Variants in ABCB10 observed in about 807,000 individuals in gnomAD.
The protein encoded by ABCB10 is ATP binding cassette subfamily B member 10, also known as ATP-binding cassette sub-family B member 10, mitochondrial.
ABCB10 carries 54 observed loss-of-function variants against 65.4 expected under a neutral mutation model. The observed-to-expected ratio is 0.83, with a 90% CI of 0.66 to 1.04. The LOEUF is 1.04. ABCB10 is among the 50% of genes least tolerant of loss of function. ABCB10 has a pLI of 0.00. For missense variants in ABCB10, 846 were observed against 976.6 expected (o/e 0.87, Z 1.78); for synonymous variants, 418 against 406.5 (o/e 1.03, Z -0.34).
In ABCB10 at chr1:229,544,732, A is replaced by T. The variant is rs558468369; in HGVS notation, c.922-2361T>A. On this transcript the variant is annotated intron_variant, in intron 3 of 12. Coordinates refer to ENST00000344517, the MANE Select transcript of ABCB10 (RefSeq NM_012089.3). ...GGCTGTATTTGGAGATGGGGCCTCT[A>T]AGAAAGTAACTAAGGTTAAATGAGG... Among the ~76,000 whole-genome samples the T allele has an allele frequency of 4.6e-5, 7 of 152,320 alleles. No homozygotes were observed. The East Asian group carries it at 1.3e-3, about 29-fold the overall frequency.
intron 1 of ABCB10, among the ~76,000 whole-genome samples, chr1:229,550,749 A>T (rs1293822704): frequency 2.0e-5 from 3 of 151,154 alleles, no homozygotes; most frequent in African/African-American, 4.9e-5. Flanking sequence ...CTGTAGTCCT[A>T]GCTACTTGGG....
At chr1:229,524,669 C>T (rs993120883) in intron 10 of ABCB10, among the ~76,000 whole-genome samples, 3 of 152,188 alleles carry the variant, frequency 2.0e-5, no homozygotes, top group African/African-American at 2.4e-5. Context: ...CACAGGGAAT[C>T]GCTCACTTTG....
intron 3 of ABCB10, among the ~76,000 whole-genome samples, chr1:229,545,335 T>C (rs538249106): frequency 1.3e-5 from 2 of 152,306 alleles, no homozygotes; most frequent in South Asian, 2.1e-4. Context: ...TCAGATCTAA[T>C]AGGCAACACA....
At chr1:229,548,721 G>A (rs577867031) in intron 2 of ABCB10, among the ~76,000 whole-genome samples, 3 of 149,794 alleles carry the variant, frequency 2.0e-5, no homozygotes, top group South Asian at 2.1e-4. Flanking sequence ...GGAGTGCAGT[G>A]GTATGATCTG....
At position 229,558,314 on chromosome 1, in the gene ABCB10, G is replaced by C; in HGVS notation, c.339C>G (p.Leu113=). ...GAFAGPGAPR[L]PRARFPGGPA... is the part of the protein sequence containing the mutation. ...GACCGCCCGGGAACCGGGCGCGCGG[G>C]AGCCGAGGAGCGCCTGGCCCGGCAA... The change falls in exon 1 of 13, where the codon CTC becomes CTG. Residue 113 remains leucine, a synonymous_variant. Coordinates refer to ENST00000344517, the MANE Select transcript of ABCB10 (RefSeq NM_012089.3). The C allele has an allele frequency of 8.0e-7, 1 of 1,242,908 alleles. No homozygotes were observed. The highest frequency in any genetic ancestry group is 1.0e-6 in the Non-Finnish European group (1 of 987,948). 77.0% of individuals were successfully genotyped at this position (1,242,908 alleles called of 1,614,324 possible).
intron 1 of ABCB10, among the ~76,000 whole-genome samples, chr1:229,550,244 G>T (rs577606370): frequency 1.3e-5 from 2 of 152,220 alleles, no homozygotes; most frequent in South Asian, 4.2e-4. Context: ...AGAAAATATT[G>T]GCTTGGCACA....
chr1:229,518,398 G>A lies in ABCB10; in HGVS notation c.1998C>T (p.Ala666=), dbSNP rs773072766. The change falls in exon 13 of 13, where the codon GCC becomes GCT. Residue 666 remains alanine (A), a synonymous_variant. Transcript: ENST00000344517. ...CTTCTTGAACAAGGTACTCATTTTC[G>A]GCATCCAGCGCACTGACACAGGAGC... ...LLDEATSALD[A]ENEYLVQEAL... 7 of 1,613,878 alleles carry A rather than the reference G, an allele frequency of 4.3e-6. No individual in the cohort carries two copies. In the African/African-American group the frequency reaches 5.3e-5, roughly 12 times the overall value.
chr1:229,558,495 C>T lies in ABCB10; in HGVS notation c.158G>A (p.Gly53Asp). Residue 53 changes from glycine to aspartate, a missense_variant, in exon 1 of 13, where the codon GGC (glycine) becomes GAC (aspartate). By Grantham distance (94) the Gly-to-Asp change is moderately conservative. This residue lies in a region of ABCB10 where 214 missense variants were observed against 173.5 expected (regional missense o/e 1.23). Coordinates refer to ENST00000344517, the MANE Select transcript of ABCB10 (RefSeq NM_012089.3). ...FTGLRPARLW[G>D]AGPALLWGVG... Reference sequence around the variant, plus strand: ...GCCCCAGAGCAGCGCGGGCCCCGCGCCCCATAGCCGCGCCGGCCTCAGGCC... The same window carrying T: ...GCCCCAGAGCAGCGCGGGCCCCGCGTCCCATAGCCGCGCCGGCCTCAGGCC... 1.5e-6 allele frequency: 2 copies of T among 1,356,302 alleles called. No individual in the cohort carries two copies. Among genetic ancestry groups the T allele is most frequent in the Admixed American group, 3.1e-5 (1 of 32,298 alleles). The allele number at this position is 1,356,302 out of a possible 1,614,324, so 84.0% of individuals were successfully genotyped here.
At chr1:229,524,080 AGACTGTT>A (rs1370604746) in intron 10 of ABCB10, among the ~76,000 whole-genome samples, 1 of 152,122 alleles carries the variant, frequency 6.6e-6, no homozygotes, top group African/African-American at 2.4e-5. Context: ...GCATAGGAAA[AGACTGTT>A]GTTTTAGTCT....
intron 10 of ABCB10, among the ~76,000 whole-genome samples, chr1:229,525,343 A>G (rs1307250814): frequency 6.6e-6 from 1 of 150,582 alleles, no homozygotes; most frequent in Non-Finnish European, 1.5e-5. Context: ...TGCAAAGCAC[A>G]TTTGTTGTTG....
In ABCB10 at chr1:229,558,423, G is replaced by T. The variant is rs1461300862; in HGVS notation, c.230C>A (p.Pro77Gln). The T allele has an allele frequency of 1.7e-6, 2 of 1,205,390 alleles. No homozygotes were observed. Among genetic ancestry groups the T allele is most frequent in the African/African-American group, 1.6e-5 (1 of 61,936 alleles). The allele number at this position is 1,205,390 out of a possible 1,614,324, so 74.7% of individuals were successfully genotyped here. Residue 77 changes from proline to glutamine, a missense_variant, in exon 1 of 13, where the codon CCG becomes CAG. This residue lies in a region of ABCB10 where 214 missense variants were observed against 173.5 expected (regional missense o/e 1.23). Transcript: ENST00000344517. ...RWRSGCRGGG[P>Q]GASRGVLGLA... ...GCCCAGGACGCCCCGCGAGGCGCCC[G>T]GACCCCCGCCCCGGCAGCCGCTCCT...
chr1:229,530,560 C>G, intron 7 of ABCB10, 152 bp from the exon 8 acceptor site: 1 of 769,144 alleles, frequency 1.3e-6, no homozygotes, highest in Non-Finnish European at 2.1e-6. Context: ...AGAAGCAAAC[C>G]TAGGCTAAAT....
At chr1:229,549,502 A>T (rs1663055431) in intron 1 of ABCB10, 68 bp from the exon 2 acceptor site, 2 of 1,458,674 alleles carry the variant, frequency 1.4e-6, no homozygotes, top group Non-Finnish European at 1.9e-6. Flanking sequence ...TGAGTCCAGG[A>T]GGCTTCCTTG....
chr1:229,533,298 A>G (rs548605494), intron 6 of ABCB10, among the ~76,000 whole-genome samples: 1 of 151,736 alleles, frequency 6.6e-6, no homozygotes, highest in African/African-American at 2.4e-5. Context: ...TAATCTTTGT[A>G]TTTTTAGTAG....
rs760937404 is a variant in ABCB10 at position 229,549,408 on chromosome 1, TG to T, written c.543del (p.Ser182ValfsTer30). On this transcript the variant is annotated frameshift_variant, in exon 2 of 13. Transcript: ENST00000344517. LOFTEE classifies it high-confidence loss of function. The stretch of plus-strand genomic sequence containing the variant: ...AAAGGGGCAGACATGGAGATAACAC[TG>T]GACATCGTGAGAAATCCAACCGCAG... The part of the protein sequence containing the change: ...LAAAVGFLTM[S>X]SVISMSAPFF... The T allele has an allele frequency of 6.2e-7, 1 of 1,614,088 alleles. No homozygotes were observed. The highest frequency in any genetic ancestry group is 8.5e-7 in the Non-Finnish European group (1 of 1,179,976).
chr1:229,549,199 G>C, intron 2 of ABCB10, 35 bp downstream of exon 2: 1 of 1,611,210 alleles, frequency 6.2e-7, no homozygotes, highest in Middle Eastern at 1.7e-4. Flanking sequence ...ATCTTCTTCA[G>C]GATGACTCAC....
rs1663044811 is a variant in ABCB10, at chr1:229,549,246, T to C, written c.706A>G (p.Met236Val). ...AAANAIRVYL[M>V]QTSGQRIVNR... ...GAGAGACTGTTACCTGAAGTTTGCA[T>C]GAGGTAGACACGAATGGCATTGGCG... is the stretch of plus-strand genomic sequence containing the variant. The change falls in exon 2 of 13, where the codon ATG becomes GTG. Residue 236 changes from methionine (M) to valine (V), a missense_variant. Coordinates refer to ENST00000344517, the MANE Select transcript of ABCB10 (RefSeq NM_012089.3). 3.1e-6 allele frequency: 5 copies of C among 1,613,842 alleles called. No homozygotes were observed. In the South Asian group the frequency reaches 4.4e-5, roughly 14 times the overall value.
intron 4 of ABCB10, 39 bp from the exon 5 acceptor site, chr1:229,540,791 C>A (rs759996803): frequency 1.3e-6 from 2 of 1,583,260 alleles, no homozygotes; most frequent in South Asian, 2.3e-5. Context: ...GGAGAAGGGT[C>A]ATATTTCAAG....
At chr1:229,548,212 C>T (rs926424977) in intron 2 of ABCB10, among the ~76,000 whole-genome samples, 5 of 152,064 alleles carry the variant, frequency 3.3e-5, no homozygotes, top group Non-Finnish European at 7.4e-5. Context: ...CTATGTAGCT[C>T]AGGCTGGTCT....
Sources: gnomAD v4.1 joint callset for allele counts (sites outside exome capture counted in the v4.1 genomes callset) on GRCh38, gnomAD v4.1.1 for gene constraint, gnomAD v4.1.1 regional missense constraint, MANE v1.5 for transcripts, NCBI Gene and HGNC (gene_info 2026-07-23, HGNC 2026-07-21) for gene names.